The following ADCYAP1R1 variants were observed in gnomAD, a reference collection of about 807,000 sequenced individuals.
The protein encoded by ADCYAP1R1 is ADCYAP receptor type I.
Under a neutral mutation model 67.6 loss-of-function variants are expected in ADCYAP1R1, and 44 were observed. The ratio of observed to expected loss-of-function variants is 0.65; its 90% confidence interval spans 0.51 to 0.84. The LOEUF is 0.84. ADCYAP1R1 is among the 40% of genes least tolerant of loss of function. The pLI, the probability that ADCYAP1R1 is intolerant of heterozygous loss-of-function variation, is 0.00. For synonymous variants in ADCYAP1R1, 222 were observed against 219.6 expected, an observed-to-expected ratio of 1.01 and a Z score of -0.10; for missense variants, 477 against 587.9, an observed-to-expected ratio of 0.81 and a Z score of 1.95.
intron 3 of ADCYAP1R1, among the ~76,000 whole-genome samples, chr7:31,077,076 G>T (rs1468433879): frequency 6.6e-6 from 1 of 152,200 alleles, no homozygotes; most frequent in African/African-American, 2.4e-5. Flanking sequence ...CTCCTGAAGT[G>T]CCTTGCGTCT....
Position 31,064,990 on chromosome 7 carries a change from G to C in ADCYAP1R1, c.157+54G>C, listed in dbSNP as rs2128617827. On this transcript the variant is annotated intron_variant, in intron 3 of 15. Transcript: ENST00000304166. ...GTCCCCAGTGCCAGCTTTTAGAACT[G>C]TTTTCCTGTGCTCAGGCTCGGCCAG... The C allele has an allele frequency of 5.0e-6, 7 of 1,396,914 alleles. No individual in the cohort carries two copies. In the South Asian group the frequency reaches 9.2e-5, roughly 18 times the overall value. The allele number at this position is 1,396,914 out of a possible 1,614,324, so 86.5% of individuals were successfully genotyped here.
chr7:31,055,906 T>C (rs1458903617), intron 1 of ADCYAP1R1, among the ~76,000 whole-genome samples: 1 of 152,174 alleles, frequency 6.6e-6, no homozygotes, highest in Non-Finnish European at 1.5e-5. Flanking sequence ...CAGATTGGCC[T>C]CTGCTTTGTC....
In ADCYAP1R1 at chr7:31,110,980, C is replaced by T. The variant is rs904403828; in HGVS notation, c.*4296C>T. 6.6e-6 allele frequency: 1 copy of T among 152,176 alleles called. No individual in the cohort carries two copies. Among genetic ancestry groups the T allele is most frequent in the African/African-American group, 2.4e-5 (1 of 41,430 alleles). 9.4% of individuals were successfully genotyped at this position (152,176 alleles called of 1,614,324 possible). ...GTTAACCTGTGCCTCATTTGTAAAA[C>T]CACCAGCATCAGGAGTAAGGGGGAG... On this transcript the variant is annotated 3_prime_UTR_variant, in exon 16 of 16. Coordinates refer to ENST00000304166, the MANE Select transcript of ADCYAP1R1 (RefSeq NM_001118.5).
At chr7:31,089,717 A>G (rs1045768873) in intron 12 of ADCYAP1R1, among the ~76,000 whole-genome samples, 69 of 152,178 alleles carry the variant, frequency 4.5e-4, no homozygotes, top group African/African-American at 1.6e-3. Flanking sequence ...CTCATTTCCC[A>G]TGTCTTTGTT....
At chr7:31,087,492 T>A in intron 11 of ADCYAP1R1, 135 bp from the exon 12 acceptor site, 1 of 751,340 alleles carries the variant, frequency 1.3e-6, no homozygotes, top group East Asian at 2.6e-5. Context: ...GGAGAGCTCT[T>A]GTTCCAGCCA....
rs536375950 is a variant in ADCYAP1R1 at position 31,095,365 on chromosome 7, G to A, written c.1046+2630G>A. On this transcript the variant is annotated intron_variant, in intron 13 of 15. Coordinates refer to ENST00000304166, the MANE Select transcript of ADCYAP1R1 (RefSeq NM_001118.5). ...CAAGGAATGCACAGATGAAAAGATA[G>A]CATTAAACAAGTGTGCAAAATTAGG... Among the ~76,000 whole-genome samples the A allele has an allele frequency of 8.5e-5, 13 of 152,302 alleles. No homozygotes were observed. The South Asian group carries it at 1.0e-3, about 12-fold the overall frequency.
rs147554336 is a variant in ADCYAP1R1 at position 31,107,524 on chromosome 7, C to T, written c.*840C>T. On this transcript the variant is annotated 3_prime_UTR_variant, in exon 16 of 16. Transcript: ENST00000304166. ...CCAGCTCAAGATGGACAGGGTTCTT[C>T]TGGTCATCTCCCTTCCACCTCTTCC... 2 of 152,398 alleles carry T rather than the reference C, an allele frequency of 1.3e-5. No individual in the cohort carries two copies. The highest frequency in any genetic ancestry group is 3.9e-4 in the East Asian group (2 of 5,180). 9.4% of individuals were successfully genotyped at this position (152,398 alleles called of 1,614,324 possible).
At chr7:31,087,788 C>A in intron 12 of ADCYAP1R1, 92 bp downstream of exon 12, 2 of 965,690 alleles carry the variant, frequency 2.1e-6, no homozygotes, top group Non-Finnish European at 3.2e-6. Context: ...CCCCACACAA[C>A]CTGACTTCCT....
intron 13 of ADCYAP1R1, among the ~76,000 whole-genome samples, chr7:31,098,587 A>G (rs2284224): frequency 0.42 from 63,431 of 151,798 alleles, 16,027 homozygotes; most frequent in East Asian, 0.7. Context: ...CCAAACCTCG[A>G]CATTCCTCTT....
In ADCYAP1R1 at chr7:31,103,216, T is replaced by C. The variant is rs187067150; in HGVS notation, c.1047-21T>C. On this transcript the variant is annotated intron_variant, in intron 13 of 15. Coordinates refer to ENST00000304166, the MANE Select transcript of ADCYAP1R1 (RefSeq NM_001118.5). ...GAGCCCTGGAAGTCCCCAGAGCAGATGTTTTGCTTTCCTCCGACAGGCGAC... is the reference window on the plus strand; with the variant it reads ...GAGCCCTGGAAGTCCCCAGAGCAGACGTTTTGCTTTCCTCCGACAGGCGAC... 876 of 1,613,146 alleles carry C rather than the reference T, an allele frequency of 5.4e-4. 5 individuals are homozygous for C. In the African/African-American group the frequency reaches 0.01, roughly 19 times the overall value.
rs1479536479 is a variant in ADCYAP1R1, at chr7:31,110,348, T to C, written c.*3664T>C. ...CTTGGGCTTCTCCACGCTTTGCTCC[T>C]GGCTTGTTTGACCTTGACTCATTCC... is the stretch of plus-strand genomic sequence containing the variant. On this transcript the variant is annotated 3_prime_UTR_variant, in exon 16 of 16. Coordinates refer to ENST00000304166, the MANE Select transcript of ADCYAP1R1 (RefSeq NM_001118.5). 6.6e-6 allele frequency: 1 copy of C among 152,202 alleles called. No homozygotes were observed. The highest frequency in any genetic ancestry group is 1.5e-5 in the Non-Finnish European group (1 of 68,032). The allele number at this position is 152,202 out of a possible 1,614,324, so 9.4% of individuals were successfully genotyped here. A position where few individuals can be genotyped will look rare whatever the true frequency, so the allele number is the denominator to read the frequency against.
At chr7:31,071,356 C>A (rs1001989812) in intron 3 of ADCYAP1R1, among the ~76,000 whole-genome samples, 1 of 152,194 alleles carries the variant, frequency 6.6e-6, no homozygotes, top group Non-Finnish European at 1.5e-5. Flanking sequence ...AGAGTGTACG[C>A]AGCACTCCCC....
intron 5 of ADCYAP1R1, among the ~76,000 whole-genome samples, chr7:31,081,498 A>G (rs1795509526): frequency 1.3e-5 from 2 of 152,084 alleles, no homozygotes; most frequent in Admixed American, 6.5e-5. Flanking sequence ...ACCATCCTGA[A>G]CGTCACAGAA....
At chr7:31,053,289 TG>T (rs1794102726) in intron 1 of ADCYAP1R1, among the ~76,000 whole-genome samples, 1 of 152,092 alleles carries the variant, frequency 6.6e-6, no homozygotes, top group African/African-American at 2.4e-5. Flanking sequence ...GCGGAGGGGC[TG>T]GGGTTGGGGA....
At chr7:31,066,653 T>C (rs1794751201) in intron 3 of ADCYAP1R1, among the ~76,000 whole-genome samples, 1 of 152,066 alleles carries the variant, frequency 6.6e-6, no homozygotes, top group Admixed American at 6.6e-5. Flanking sequence ...CAGAAAAACG[T>C]ACTCCAGCCA....
intron 4 of ADCYAP1R1, among the ~76,000 whole-genome samples, chr7:31,079,796 C>T (rs1349127546): frequency 6.6e-6 from 1 of 152,168 alleles, no homozygotes; most frequent in Non-Finnish European, 1.5e-5. Flanking sequence ...ATTGAACTCT[C>T]CCATCTGAGG....
intron 14 of ADCYAP1R1, among the ~76,000 whole-genome samples, chr7:31,104,548 C>A (rs1322267791): frequency 6.6e-6 from 1 of 152,074 alleles, no homozygotes; most frequent in Non-Finnish European, 1.5e-5. Context: ...AAGAGAAATT[C>A]TAGGGCATTC....
intron 3 of ADCYAP1R1, among the ~76,000 whole-genome samples, chr7:31,066,576 T>G (rs1794747652): frequency 6.7e-6 from 1 of 149,512 alleles, no homozygotes; most frequent in Non-Finnish European, 1.5e-5. Flanking sequence ...GTGGGAAGGA[T>G]TCATATATTG....
intron 5 of ADCYAP1R1, 103 bp from the exon 6 acceptor site, chr7:31,081,610 T>C (rs1421229006): frequency 1.1e-6 from 1 of 893,576 alleles, no homozygotes. Context: ...CATCCCCTAC[T>C]TCCTGTAGAC....
Sources: allele counts gnomAD v4.1 joint callset (sites outside exome capture counted in the v4.1 genomes callset), GRCh38; gene constraint gnomAD v4.1.1; transcripts MANE v1.5; gene names NCBI Gene and HGNC (gene_info 2026-07-23, HGNC 2026-07-21).